The following UNC79 variants were observed in gnomAD, a reference collection of about 807,000 sequenced individuals.
UNC79 encodes the protein protein unc-79 homolog.
Under a neutral mutation model 283.1 loss-of-function variants are expected in UNC79, and 37 were observed. The observed-to-expected ratio is 0.13, with a 90% CI of 0.10 to 0.17. The LOEUF (loss-of-function observed/expected upper bound fraction) is 0.17, where lower values mean the gene tolerates loss of function less well. UNC79 is among the 10% of genes least tolerant of loss of function. The probability of loss-of-function intolerance (pLI) is 1.00; values close to 1 mark genes in which losing one functional copy is unlikely to be tolerated. For missense variants in UNC79, 2,272 were observed against 3,211.1 expected (o/e 0.71, Z 7.07); for synonymous variants, 1,107 against 1,200.2 (o/e 0.92, Z 1.61).
chr14:93,513,379 C>G (rs1446043599), intron 7 of UNC79, among the ~76,000 whole-genome samples: 2 of 151,826 alleles, frequency 1.3e-5, no homozygotes, highest in African/African-American at 4.8e-5. Flanking sequence ...GACCAACACA[C>G]CTGGCTAATT....
At chr14:93,341,189 G>A (rs930543599) in intron 1 of UNC79, among the ~76,000 whole-genome samples, 2 of 152,144 alleles carry the variant, frequency 1.3e-5, no homozygotes, top group Non-Finnish European at 2.9e-5. Context: ...AGTGGTTCAC[G>A]CCTGCAATCT....
chr14:93,518,210 A>G (rs1189589230), intron 7 of UNC79, among the ~76,000 whole-genome samples: 1 of 152,092 alleles, frequency 6.6e-6, no homozygotes, highest in Non-Finnish European at 1.5e-5. Flanking sequence ...AATAGAATTT[A>G]CTGGTGAAGC....
upstream of UNC79, among the ~76,000 whole-genome samples, chr14:93,425,889 CT>C (rs1227124401): frequency 1.3e-5 from 2 of 152,110 alleles, no homozygotes; most frequent in Non-Finnish European, 2.9e-5. Flanking sequence ...CAGTAAAAGA[CT>C]CCATAAACAA....
intron 3 of UNC79, among the ~76,000 whole-genome samples, chr14:93,475,019 A>G (rs1423077152): frequency 3.3e-5 from 5 of 152,216 alleles, no homozygotes; most frequent in Non-Finnish European, 7.3e-5. Context: ...CAGTATGTAT[A>G]CAATATATGA....
intron 1 of UNC79, among the ~76,000 whole-genome samples, chr14:93,357,090 A>G (rs576174161): frequency 3.7e-4 from 57 of 152,276 alleles, no homozygotes; most frequent in Non-Finnish European, 7.6e-4. Context: ...CCCACTTACA[A>G]GAGAGAGCAT....
At chr14:93,598,923 C>G (rs1343538706) in intron 24 of UNC79, among the ~76,000 whole-genome samples, 2 of 152,136 alleles carry the variant, frequency 1.3e-5, no homozygotes, top group Non-Finnish European at 2.9e-5. Context: ...AATATGAGAC[C>G]TGGAGAGAGT....
intron 1 of UNC79, among the ~76,000 whole-genome samples, chr14:93,423,018 G>A (rs1249149708): frequency 3.0e-5 from 4 of 134,920 alleles, no homozygotes; most frequent in African/African-American, 8.8e-5. Context: ...AGTTGAGATC[G>A]CACCACTGCA....
intron 1 of UNC79, among the ~76,000 whole-genome samples, chr14:93,398,928 A>ATG (rs1482010134): frequency 6.6e-6 from 1 of 152,168 alleles, no homozygotes; most frequent in Non-Finnish European, 1.5e-5. Flanking sequence ...GTCCATTCTC[A>ATG]TGCTGCTATA....
intron 17 of UNC79, among the ~76,000 whole-genome samples, chr14:93,577,228 A>G (rs2063526048): frequency 6.6e-6 from 1 of 151,992 alleles, no homozygotes; most frequent in African/African-American, 2.4e-5. Context: ...TAATCCAAAA[A>G]AAACCATTGA....
intron 26 of UNC79, among the ~76,000 whole-genome samples, chr14:93,605,954 C>G (rs142202397): frequency 2.0e-5 from 3 of 152,118 alleles, no homozygotes; most frequent in African/African-American, 7.2e-5. Context: ...CGCTCATGTA[C>G]GCTACTGTGC....
intron 1 of UNC79, among the ~76,000 whole-genome samples, chr14:93,452,700 T>C (rs2056682702): frequency 6.6e-6 from 1 of 152,110 alleles, no homozygotes. Context: ...ATTTTTTAAA[T>C]TGATAACAAT....
At chr14:93,340,129 A>G (rs1351626872) in intron 1 of UNC79, among the ~76,000 whole-genome samples, 1 of 152,194 alleles carries the variant, frequency 6.6e-6, no homozygotes, top group East Asian at 1.9e-4. Flanking sequence ...CAGTTGCCTT[A>G]TTTGAATATG....
intron 41 of UNC79, among the ~76,000 whole-genome samples, chr14:93,677,383 G>A (rs533597361): frequency 2.0e-4 from 31 of 152,292 alleles, no homozygotes; most frequent in Non-Finnish European, 2.9e-4. Context: ...CAATCACGGC[G>A]AAGGTGATTG....
chr14:93,588,198 T>C (rs1384431964), intron 22 of UNC79, among the ~76,000 whole-genome samples: 1 of 152,148 alleles, frequency 6.6e-6, no homozygotes, highest in Non-Finnish European at 1.5e-5. Flanking sequence ...TTTTATTTAA[T>C]GATGTTTGGA....
At chr14:93,674,073 G>A (rs560809548) in intron 41 of UNC79, among the ~76,000 whole-genome samples, 2 of 152,236 alleles carry the variant, frequency 1.3e-5, no homozygotes, top group South Asian at 4.1e-4. Flanking sequence ...CTACCCTGCT[G>A]TCCTTAACTC....
In UNC79 at chr14:93,566,911, T is replaced by C. The variant is rs145672935; in HGVS notation, c.1756-4983T>C. The stretch of plus-strand genomic sequence containing the variant: ...GGATTACAGGCTTGAGCCACCACGC[T>C]CGGCCTGGAATTCTTTAAGTAAAAG... On this transcript the variant is annotated intron_variant, in intron 14 of 48. Transcript: ENST00000555664. Among the ~76,000 whole-genome samples, 1,211 of 152,112 alleles carry C rather than the reference T, an allele frequency of 8.0e-3. 11 individuals are homozygous for C. The highest frequency in any genetic ancestry group is 0.044 in the Middle Eastern group (13 of 294).
chr14:93,582,586 G>A (rs908497976), intron 20 of UNC79, among the ~76,000 whole-genome samples: 1 of 152,070 alleles, frequency 6.6e-6, no homozygotes, highest in Non-Finnish European at 1.5e-5. Context: ...AAAACTCATC[G>A]CCTCCCTACT....
intron 29 of UNC79, among the ~76,000 whole-genome samples, chr14:93,618,883 CT>C (rs1387297194): frequency 6.6e-6 from 1 of 152,172 alleles, no homozygotes. Context: ...TTTTCTATTG[CT>C]ACCTTTTTCT....
chr14:93,422,104 T>C (rs2055613227), intron 1 of UNC79, among the ~76,000 whole-genome samples: 1 of 151,746 alleles, frequency 6.6e-6, no homozygotes, highest in Non-Finnish European at 1.5e-5. Context: ...CCTGATGATA[T>C]GGGCCCAAGG....
Sources: allele counts gnomAD v4.1 joint callset (sites outside exome capture counted in the v4.1 genomes callset), GRCh38; gene constraint gnomAD v4.1.1; transcripts MANE v1.5; gene names NCBI Gene and HGNC (gene_info 2026-07-23, HGNC 2026-07-21).